XPO4: variants seen among roughly 807,000 people sequenced by gnomAD.
XPO4 encodes the protein exportin-4.
Under a neutral mutation model 143.0 loss-of-function variants are expected in XPO4, and 39 were observed. The ratio of observed to expected loss-of-function variants is 0.27; its 90% confidence interval spans 0.21 to 0.36. The LOEUF is 0.36. Ranked by LOEUF, XPO4 falls within the 10% of genes least tolerant of loss-of-function variation. The probability of loss-of-function intolerance (pLI) is 1.00; values close to 1 mark genes in which losing one functional copy is unlikely to be tolerated. For synonymous variants in XPO4, 439 were observed against 474.0 expected (o/e 0.93, Z 0.96); for missense variants, 907 against 1,348.0 (o/e 0.67, Z 5.12).
intron 22 of XPO4, among the ~76,000 whole-genome samples, chr13:20,785,438 C>T (rs571881024): frequency 3.9e-5 from 6 of 152,004 alleles, no homozygotes; most frequent in Admixed American, 6.5e-5. Context: ...TTTGGGAGGC[C>T]GAGGCGAGTG....
chr13:20,807,379 C>T, intron 13 of XPO4, 78 bp downstream of exon 13: 1 of 1,406,830 alleles, frequency 7.1e-7, no homozygotes, highest in Non-Finnish European at 9.7e-7. Flanking sequence ...GCCTATCACT[C>T]CAGTCATCTA....
At chr13:20,841,217 A>G (rs1441875800) in intron 6 of XPO4, among the ~76,000 whole-genome samples, 1 of 152,178 alleles carries the variant, frequency 6.6e-6, no homozygotes, top group Non-Finnish European at 1.5e-5. Context: ...AAGGTTTTTC[A>G]ATATCTTTTC....
intron 1 of XPO4, among the ~76,000 whole-genome samples, chr13:20,869,969 G>A (rs1401248281): frequency 6.6e-6 from 1 of 151,754 alleles, no homozygotes; most frequent in African/African-American, 2.4e-5. Context: ...AGCCGGGTGT[G>A]GTGGTGCACA....
At chr13:20,787,393 G>A in intron 21 of XPO4, 88 bp downstream of exon 21, 1 of 1,252,008 alleles carries the variant, frequency 8.0e-7, no homozygotes, top group Non-Finnish European at 1.2e-6. Context: ...AAGAATGGAA[G>A]CATTTCCTCA....
intron 1 of XPO4, among the ~76,000 whole-genome samples, chr13:20,873,739 T>TA (rs539826450): frequency 2.8e-4 from 43 of 152,308 alleles, no homozygotes; most frequent in Admixed American, 2.5e-3. Context: ...CAAGCAATTC[T>TA]CATGCCTCAG....
intron 4 of XPO4, chr13:20,850,790 A>C (rs1301457267): frequency 1.0e-6 from 1 of 985,012 alleles, no homozygotes; most frequent in Non-Finnish European, 1.2e-6. Context: ...AACAAATGAA[A>C]CCAATATGCT....
intron 18 of XPO4, among the ~76,000 whole-genome samples, chr13:20,794,938 C>T (rs1332643938): frequency 6.6e-6 from 1 of 150,750 alleles, no homozygotes; most frequent in Non-Finnish European, 1.5e-5. Context: ...AAAGAGTAAA[C>T]CTTCTACACT....
chr13:20,811,479 G>A (rs1259342125), intron 9 of XPO4, among the ~76,000 whole-genome samples: 1 of 151,850 alleles, frequency 6.6e-6, no homozygotes, highest in Admixed American at 6.6e-5. Flanking sequence ...GTAGAGACGG[G>A]GTTTTGCCAT....
intron 1 of XPO4, chr13:20,902,320 C>A: frequency 1.0e-6 from 1 of 985,400 alleles, no homozygotes; most frequent in Non-Finnish European, 1.2e-6. Context: ...TTTCCCCTAC[C>A]GAAGCCCTGC....
At chr13:20,873,924 A>C (rs900325646) in intron 1 of XPO4, among the ~76,000 whole-genome samples, 1 of 152,236 alleles carries the variant, frequency 6.6e-6, no homozygotes, top group Non-Finnish European at 1.5e-5. Context: ...AATACTTTAC[A>C]TGCATTATCT....
intron 6 of XPO4, among the ~76,000 whole-genome samples, chr13:20,831,335 TCAC>T (rs912946552): frequency 6.6e-6 from 1 of 152,206 alleles, no homozygotes; most frequent in African/African-American, 2.4e-5. Flanking sequence ...TGGTTTATAG[TCAC>T]CACTTTAGCA....
rs946991178 is a variant in XPO4, at chr13:20,847,125, C to T, written c.457-3239G>A. Among the ~76,000 whole-genome samples, 15 of 152,156 alleles carry T rather than the reference C, an allele frequency of 9.9e-5. No homozygotes were observed. The South Asian group carries it at 1.0e-3, about 10-fold the overall frequency. ...ACCATCATAAATATTAATCATACTACACTAGTCTGGCTCAAAGGTGCCAAA... is the reference window on the plus strand; with the variant it reads ...ACCATCATAAATATTAATCATACTATACTAGTCTGGCTCAAAGGTGCCAAA... On this transcript the variant is annotated intron_variant, in intron 4 of 22. Transcript: ENST00000255305.
At chr13:20,827,359 G>T (rs2137989279) in intron 6 of XPO4, among the ~76,000 whole-genome samples, 180 bp from the exon 7 acceptor site, 1 of 152,172 alleles carries the variant, frequency 6.6e-6, no homozygotes, top group Admixed American at 6.5e-5. Context: ...AGTGCCTGGG[G>T]AAAAAAAGAA....
At chr13:20,825,696 T>C (rs141443493) in intron 7 of XPO4, among the ~76,000 whole-genome samples, 230 of 152,298 alleles carry the variant, frequency 1.5e-3, no homozygotes, top group East Asian at 9.4e-3. Context: ...TACAAAGACT[T>C]GGACTTGGAT....
Position 20,806,286 on chromosome 13 carries a change from CTTGG to C in XPO4, c.1817+1167_1817+1170del, listed in dbSNP as rs1171889913. 2.0e-5 allele frequency among the ~76,000 whole-genome samples: 3 copies of C among 152,044 alleles called. No individual in the cohort carries two copies. In the East Asian group the frequency reaches 5.8e-4, roughly 29 times the overall value. ...AAGGAAATAAATTCCCCAACATTTCCTTGGTTATCAGCTTAATATTTCAACTATT... is the reference window on the plus strand; with the variant it reads ...AAGGAAATAAATTCCCCAACATTTCCTTATCAGCTTAATATTTCAACTATT... On this transcript the variant is annotated intron_variant, in intron 13 of 22. Coordinates refer to ENST00000255305, the MANE Select transcript of XPO4 (RefSeq NM_022459.5).
chr13:20,829,470 T>A (rs1219254799), intron 6 of XPO4, among the ~76,000 whole-genome samples: 2 of 152,170 alleles, frequency 1.3e-5, no homozygotes, highest in African/African-American at 4.8e-5. Flanking sequence ...ATAACCATAA[T>A]AAAATGGTTG....
At chr13:20,852,028 G>C in intron 4 of XPO4, 1 of 985,400 alleles carries the variant, frequency 1.0e-6, no homozygotes. Flanking sequence ...ATTCCTGAGA[G>C]AGGCAAGGGA....
Position 20,855,751 on chromosome 13 carries a change from A to G in XPO4, c.332T>C (p.Val111Ala). The change falls in exon 4 of 23, where the codon GTT (valine) becomes GCT (alanine). Residue 111 changes from valine (V) to alanine (A), a missense_variant. Transcript: ENST00000255305. ...VLQRPNLQKYVREQILLAVAV... is the reference protein window; with the variant it reads ...VLQRPNLQKYAREQILLAVAV... Reference sequence around the variant, plus strand: ...TACTGCTAGTAGAATCTGTTCCCGAACATACTTTTGAAGGCTGTAAAACAT... The same window carrying G: ...TACTGCTAGTAGAATCTGTTCCCGAGCATACTTTTGAAGGCTGTAAAACAT... 6.3e-7 allele frequency: 1 copy of G among 1,597,454 alleles called. No homozygotes were observed. Among genetic ancestry groups the G allele is most frequent in the Non-Finnish European group, 8.5e-7 (1 of 1,175,658 alleles).
rs1020465250 is a variant in XPO4 at position 20,879,004 on chromosome 13, T to G, written c.70-10303A>C. On this transcript the variant is annotated intron_variant, in intron 1 of 22. Transcript: ENST00000255305. Reference sequence around the variant, plus strand: ...GACAAAATTTCTTAAAAATTTTAAGTGCATCACTGAGCTTACAAGAAATTA... The same window carrying G: ...GACAAAATTTCTTAAAAATTTTAAGGGCATCACTGAGCTTACAAGAAATTA... The G allele has an allele frequency of 1.2e-5, 9 of 723,178 alleles. No individual in the cohort carries two copies. In the Admixed American group the frequency reaches 2.5e-4, roughly 20 times the overall value. 44.8% of individuals were successfully genotyped at this position (723,178 alleles called of 1,614,324 possible).
Sources: gnomAD v4.1 joint callset for allele counts (sites outside exome capture counted in the v4.1 genomes callset) on GRCh38, gnomAD v4.1.1 for gene constraint, MANE v1.5 for transcripts, NCBI Gene and HGNC (gene_info 2026-07-23, HGNC 2026-07-21) for gene names.